SHISA9: variants seen among roughly 807,000 people sequenced by gnomAD.
The protein encoded by SHISA9 is protein shisa-9.
SHISA9 carries 13 observed loss-of-function variants against 38.0 expected under a neutral mutation model. The ratio of observed to expected loss-of-function variants is 0.34; its 90% confidence interval spans 0.22 to 0.54. SHISA9 has a LOEUF of 0.54. Among genes scored for constraint, SHISA9 ranks in the 20% least tolerant of loss-of-function variants. The pLI is 0.91. For synonymous variants in SHISA9, 275 were observed against 242.0 expected (o/e 1.14, Z -1.27); for missense variants, 538 against 575.8 (o/e 0.93, Z 0.67).
intron 2 of SHISA9, among the ~76,000 whole-genome samples, chr16:13,090,087 T>G (rs2073757761): frequency 6.6e-6 from 1 of 152,262 alleles, no homozygotes; most frequent in Non-Finnish European, 1.5e-5. Flanking sequence ...AGCAAGTTGT[T>G]CAGTTTCCAT....
At chr16:12,947,492 G>A (rs1028868171) in intron 2 of SHISA9, among the ~76,000 whole-genome samples, 4 of 152,178 alleles carry the variant, frequency 2.6e-5, no homozygotes, top group African/African-American at 9.7e-5. Context: ...TAAAGCACAC[G>A]CTTTGCCTTC....
the SHISA9 span, among the ~76,000 whole-genome samples, chr16:13,398,117 G>A: frequency 1.3e-5 from 2 of 152,204 alleles, no homozygotes; most frequent in Non-Finnish European, 2.9e-5. Flanking sequence ...CCAGCCGCTT[G>A]TGTCTCTGCC....
At chr16:13,424,340 G>A in the SHISA9 span, among the ~76,000 whole-genome samples, 1 of 152,194 alleles carries the variant, frequency 6.6e-6, no homozygotes, top group Admixed American at 6.5e-5. Flanking sequence ...CCTCTCATTT[G>A]CTACTCCAAT....
the SHISA9 span, among the ~76,000 whole-genome samples, chr16:13,419,891 C>A: frequency 2.0e-5 from 3 of 150,988 alleles, no homozygotes; most frequent in Non-Finnish European, 4.4e-5. Context: ...CAATTTATTC[C>A]ATCAATGTTT....
At chr16:13,453,616 C>T in the SHISA9 span, among the ~76,000 whole-genome samples, 1 of 152,224 alleles carries the variant, frequency 6.6e-6, no homozygotes, top group South Asian at 2.1e-4. Context: ...CCTCCAGCTG[C>T]CTGAAGATGC....
At chr16:13,413,199 G>A in the SHISA9 span, among the ~76,000 whole-genome samples, 2 of 152,126 alleles carry the variant, frequency 1.3e-5, no homozygotes, top group African/African-American at 4.8e-5. Flanking sequence ...TAGGGTCTTC[G>A]AATTTTCACA....
chr16:12,982,204 T>G (rs2141824057), intron 2 of SHISA9, among the ~76,000 whole-genome samples: 1 of 152,348 alleles, frequency 6.6e-6, no homozygotes, highest in Admixed American at 6.5e-5. Flanking sequence ...ACAGCTTAAC[T>G]GCTGGATTCG....
At chr16:13,195,013 A>G (rs1220577829) in intron 2 of SHISA9, among the ~76,000 whole-genome samples, 3 of 152,250 alleles carry the variant, frequency 2.0e-5, no homozygotes, top group Non-Finnish European at 4.4e-5. Flanking sequence ...CAATATAGAC[A>G]CGGATAGTTG....
intron 1 of SHISA9, chr16:12,909,401 C>G: frequency 1.0e-6 from 1 of 985,412 alleles, no homozygotes; most frequent in Non-Finnish European, 1.2e-6. Flanking sequence ...GAACTCTATT[C>G]AAGTGTTTAA....
chr16:13,392,923 A>G, the SHISA9 span, among the ~76,000 whole-genome samples: 1 of 152,214 alleles, frequency 6.6e-6, no homozygotes, highest in Non-Finnish European at 1.5e-5. Context: ...TGACACCTTG[A>G]TTTTGGCCCT....
chr16:13,470,422 T>C, the SHISA9 span, among the ~76,000 whole-genome samples: 1 of 152,210 alleles, frequency 6.6e-6, no homozygotes, highest in African/African-American at 2.4e-5. Flanking sequence ...AGAGGTTTAA[T>C]GGGCTCACAG....
chr16:13,234,919 A>T, intron 4 of SHISA9, 111 bp from the exon 5 acceptor site: 2 of 1,336,960 alleles, frequency 1.5e-6, no homozygotes, highest in East Asian at 2.5e-5. Flanking sequence ...CTGTTGGCCC[A>T]TTTTTATGCT....
At chr16:13,173,153 G>GCGCGCGCACACA (rs201510616) in intron 2 of SHISA9, among the ~76,000 whole-genome samples, 6 of 150,798 alleles carry the variant, frequency 4.0e-5, no homozygotes, top group African/African-American at 1.5e-4. Flanking sequence ...ATGCACGTGC[G>GCGCGCGCACACA]CACACACACA....
the SHISA9 span, among the ~76,000 whole-genome samples, chr16:13,535,551 T>C: frequency 6.6e-6 from 1 of 152,176 alleles, no homozygotes; most frequent in South Asian, 2.1e-4. Context: ...TCTACAGCTG[T>C]GTTTATGCTA....
At chr16:13,337,412 T>C in the SHISA9 span, among the ~76,000 whole-genome samples, 2 of 152,274 alleles carry the variant, frequency 1.3e-5, no homozygotes, top group East Asian at 3.9e-4. Context: ...CTGCCATGAT[T>C]GTGAGGCCTC....
chr16:13,169,059 A>G (rs2142019214), intron 2 of SHISA9, among the ~76,000 whole-genome samples: 1 of 152,248 alleles, frequency 6.6e-6, no homozygotes. Context: ...TTGGATTTCC[A>G]ACTCTCTGTA....
chr16:13,360,512 T>G, the SHISA9 span, among the ~76,000 whole-genome samples: 1 of 152,176 alleles, frequency 6.6e-6, no homozygotes. Context: ...CCCCCTTCAC[T>G]TGGCTCTCGT....
intron 2 of SHISA9, among the ~76,000 whole-genome samples, chr16:13,015,491 G>A (rs900548312): frequency 5.9e-5 from 9 of 152,204 alleles, no homozygotes. Flanking sequence ...CATCTCCAAA[G>A]CCAGTATTCT....
chr16:13,530,763 T>TG, the SHISA9 span, among the ~76,000 whole-genome samples: 1 of 152,180 alleles, frequency 6.6e-6, no homozygotes, highest in African/African-American at 2.4e-5. Flanking sequence ...GGCAGATGCT[T>TG]GCGGGAGGCC....
Sources: gnomAD v4.1 joint callset for allele counts (sites outside exome capture counted in the v4.1 genomes callset) on GRCh38, gnomAD v4.1.1 for gene constraint, MANE v1.5 for transcripts, NCBI Gene and HGNC (gene_info 2026-07-23, HGNC 2026-07-21) for gene names.